GRIA1: variants seen among roughly 807,000 people sequenced by gnomAD.
The protein encoded by GRIA1 is glutamate ionotropic receptor AMPA type subunit 1.
Under a neutral mutation model 99.2 loss-of-function variants are expected in GRIA1, and 31 were observed. The ratio of observed to expected loss-of-function variants is 0.31; its 90% CI spans 0.23 to 0.42. GRIA1 has a LOEUF of 0.42. Ranked by LOEUF, GRIA1 falls within the 10% of genes least tolerant of loss-of-function variation. The probability of loss-of-function intolerance (pLI) is 1.00; values close to 1 mark genes in which losing one functional copy is unlikely to be tolerated. For missense variants in GRIA1, 782 were observed against 1,157.5 expected, an observed-to-expected ratio of 0.68 and a Z score of 4.71; for synonymous variants, 438 against 432.4, an observed-to-expected ratio of 1.01 and a Z score of -0.16.
intron 2 of GRIA1, among the ~76,000 whole-genome samples, chr5:153,529,944 C>T (rs1392507620): frequency 6.6e-6 from 1 of 152,108 alleles, no homozygotes; most frequent in African/African-American, 2.4e-5. Flanking sequence ...CCCTCATTTT[C>T]GAAGCAGATT....
At chr5:153,686,425 G>A (rs1757346445) in intron 8 of GRIA1, 96 bp downstream of exon 8, 5 of 810,942 alleles carry the variant, frequency 6.2e-6, no homozygotes, top group African/African-American at 1.7e-5. Context: ...TTTCTGGACT[G>A]GATCTTTGAA....
At chr5:153,734,586 C>T (rs755712555) in intron 11 of GRIA1, among the ~76,000 whole-genome samples, 30 of 152,202 alleles carry the variant, frequency 2.0e-4, no homozygotes, top group Admixed American at 1.1e-3. Context: ...AAATAAGACA[C>T]ATTCCTTACT....
At chr5:153,727,308 C>A (rs1760628833) in intron 11 of GRIA1, among the ~76,000 whole-genome samples, 1 of 152,128 alleles carries the variant, frequency 6.6e-6, no homozygotes, top group Non-Finnish European at 1.5e-5. Flanking sequence ...TGGAAGCATT[C>A]CCTTTGAGAA....
chr5:153,674,701 T>C, intron 6 of GRIA1, 40 bp downstream of exon 6: 1 of 1,590,378 alleles, frequency 6.3e-7, no homozygotes, highest in Non-Finnish European at 8.6e-7. Context: ...GCCAGCCTGG[T>C]CCCTTTGCCT....
intron 2 of GRIA1, among the ~76,000 whole-genome samples, chr5:153,581,914 C>T (rs1239540444): frequency 4.6e-5 from 7 of 152,042 alleles, no homozygotes; most frequent in African/African-American, 7.2e-5. Context: ...CATGTCACCA[C>T]GCCCGGCTAA....
In GRIA1 at chr5:153,674,512, A is replaced by G. The variant is rs760372091; in HGVS notation, c.712A>G (p.Ile238Val). The change falls in exon 6 of 16, where the codon ATT (isoleucine) becomes GTT (valine). Residue 238 changes from isoleucine (I) to valine (V), a missense_variant. Transcript: ENST00000285900. ...CCCCCTCTCACAGGGCTTCATGGAC[A>G]TTGACTTAAACAAATTCAAGGAGAG... is the stretch of plus-strand genomic sequence containing the variant. ...YILANLGFMD[I>V]DLNKFKESGA... 5 of 1,614,128 alleles carry G rather than the reference A, an allele frequency of 3.1e-6. No homozygotes were observed. Among genetic ancestry groups the G allele is most frequent in the Admixed American group, 3.3e-5 (2 of 60,022 alleles).
chr5:153,674,784 A>G (rs1756449376), intron 6 of GRIA1, 123 bp downstream of exon 6: 8 of 1,039,232 alleles, frequency 7.7e-6, no homozygotes, highest in Non-Finnish European at 1.1e-5. Flanking sequence ...TCAGGGAAAT[A>G]TATTTGTAAA....
At position 153,579,467 on chromosome 5, in the gene GRIA1, C is replaced by T. The variant is rs145055868; in HGVS notation, c.221-67461C>T. ...CAGCAAGTCTTTGGTTAGAACTGGG[C>T]ACTTCTTCACTCTCTTACCTGAGTA... is the stretch of plus-strand genomic sequence containing the variant. On this transcript the variant is annotated intron_variant, in intron 2 of 15. Transcript: ENST00000285900. Among the ~76,000 whole-genome samples the T allele has an allele frequency of 1.2e-4, 18 of 152,252 alleles. No homozygotes were observed. The East Asian group carries it at 2.9e-3, about 25-fold the overall frequency.
intron 2 of GRIA1, among the ~76,000 whole-genome samples, chr5:153,547,269 CAA>C: frequency 6.6e-6 from 1 of 152,166 alleles, no homozygotes; most frequent in East Asian, 1.9e-4. Context: ...CCAGAGAAGC[CAA>C]AAGATTGGAC....
chr5:153,709,309 T>G (rs2149525223), intron 11 of GRIA1, among the ~76,000 whole-genome samples: 1 of 152,326 alleles, frequency 6.6e-6, no homozygotes, highest in African/African-American at 2.4e-5. Flanking sequence ...CTGATCTTGC[T>G]GCTTATTTAA....
intron 2 of GRIA1, among the ~76,000 whole-genome samples, chr5:153,603,357 A>G (rs1765161031): frequency 6.7e-6 from 1 of 149,446 alleles, no homozygotes; most frequent in African/African-American, 2.4e-5. Flanking sequence ...AGTCTTTGCT[A>G]TTGTGAATAG....
chr5:153,607,265 C>G (rs1289118714), intron 2 of GRIA1, among the ~76,000 whole-genome samples: 1 of 151,610 alleles, frequency 6.6e-6, no homozygotes, highest in Non-Finnish European at 1.5e-5. Context: ...TGGTTGCTCT[C>G]ATATTTTCTC....
intron 10 of GRIA1, among the ~76,000 whole-genome samples, chr5:153,700,106 C>A (rs537888006): frequency 6.6e-6 from 1 of 152,304 alleles, no homozygotes; most frequent in Non-Finnish European, 1.5e-5. Context: ...ACCGAGAGGC[C>A]GGGCACAGTG....
At chr5:153,691,256 C>A (rs920045493) in intron 8 of GRIA1, among the ~76,000 whole-genome samples, 7 of 152,200 alleles carry the variant, frequency 4.6e-5, no homozygotes, top group African/African-American at 1.4e-4. Context: ...GGGTCTCTCT[C>A]TGAATAAAAT....
intron 2 of GRIA1, among the ~76,000 whole-genome samples, chr5:153,557,307 C>G (rs1388711029): frequency 1.3e-5 from 2 of 152,130 alleles, no homozygotes; most frequent in African/African-American, 4.8e-5. Flanking sequence ...TCTTGTCACC[C>G]AGGCTAGAGT....
chr5:153,677,478 A>G (rs368855227), intron 7 of GRIA1, among the ~76,000 whole-genome samples: 3 of 152,204 alleles, frequency 2.0e-5, no homozygotes, highest in Admixed American at 6.5e-5. Context: ...AACCATGTTA[A>G]TGGTCTCCTG....
intron 2 of GRIA1, among the ~76,000 whole-genome samples, chr5:153,558,445 T>C (rs1192509018): frequency 6.6e-6 from 1 of 152,154 alleles, no homozygotes; most frequent in African/African-American, 2.4e-5. Flanking sequence ...TCTGTTTCTA[T>C]AATTTTTTTC....
chr5:153,799,727 T>A (rs1765879552), intron 14 of GRIA1, among the ~76,000 whole-genome samples: 1 of 152,174 alleles, frequency 6.6e-6, no homozygotes, highest in South Asian at 2.1e-4. Flanking sequence ...CTATACCGTC[T>A]AGCTGTCCTC....
intron 2 of GRIA1, among the ~76,000 whole-genome samples, chr5:153,553,861 A>G (rs1460761938): frequency 2.0e-5 from 3 of 152,120 alleles, no homozygotes; most frequent in Non-Finnish European, 2.9e-5. Flanking sequence ...ATAATCGCCT[A>G]TCATCTGATG....
Sources: gnomAD v4.1 joint callset for allele counts (sites outside exome capture counted in the v4.1 genomes callset) on GRCh38, gnomAD v4.1.1 for gene constraint, MANE v1.5 for transcripts, NCBI Gene and HGNC (gene_info 2026-07-23, HGNC 2026-07-21) for gene names.